The following BTG4 variants were observed in gnomAD, a reference collection of about 807,000 sequenced individuals.
BTG4 encodes the protein BTG anti-proliferation factor 4, also known as protein BTG4.
BTG4 carries 10 observed loss-of-function variants against 19.3 expected under a neutral mutation model. The ratio of observed to expected loss-of-function variants is 0.52; its 90% CI spans 0.32 to 0.88. BTG4 has a LOEUF of 0.88. BTG4 is among the 40% of genes least tolerant of loss of function. BTG4 has a pLI of 0.04. For synonymous variants in BTG4, 91 were observed against 95.7 expected, an observed-to-expected ratio of 0.95 and a Z score of 0.29; for missense variants, 238 against 281.9, an observed-to-expected ratio of 0.84 and a Z score of 1.11.
At chr11:111,385,687 T>G in the BTG4 span, 1 of 152,256 alleles carries the variant, frequency 6.6e-6, no homozygotes, top group South Asian at 2.1e-4. Flanking sequence ...GAAAAATTAT[T>G]AAAGTATCTC....
At chr11:111,476,572 T>C (rs1052679895) in intron 5 of BTG4, among the ~76,000 whole-genome samples, 3 of 152,206 alleles carry the variant, frequency 2.0e-5, no homozygotes, top group African/African-American at 7.2e-5. Flanking sequence ...TAGAATTGGC[T>C]ACTTAGTCAT....
chr11:111,416,036 C>A, the BTG4 span: 1 of 152,390 alleles, frequency 6.6e-6, no homozygotes, highest in Non-Finnish European at 1.5e-5. Context: ...AGAGTGAGAC[C>A]TTGTCTGAAA....
the BTG4 span, among the ~76,000 whole-genome samples, chr11:111,392,500 A>G: frequency 6.6e-6 from 1 of 152,116 alleles, no homozygotes; most frequent in Non-Finnish European, 1.5e-5. Flanking sequence ...AAACTTTGTC[A>G]TGCATCCAAA....
intron 5 of BTG4, among the ~76,000 whole-genome samples, chr11:111,474,061 C>T (rs974900179): frequency 6.6e-6 from 1 of 152,126 alleles, no homozygotes; most frequent in Non-Finnish European, 1.5e-5. Context: ...TCCCCATGCA[C>T]AGTAGAGACC....
the BTG4 span, chr11:111,451,491 T>G: frequency 2.4e-6 from 1 of 423,162 alleles, no homozygotes; most frequent in African/African-American, 2.0e-5. Flanking sequence ...GCAGGCCAGG[T>G]GTGGTGGCTC....
chr11:111,433,939 C>T, the BTG4 span, among the ~76,000 whole-genome samples: 110,922 of 152,124 alleles, frequency 0.73, 40,901 homozygotes, highest in Admixed American at 0.78. Flanking sequence ...GGAATGCTTT[C>T]ACACTGTTGG....
At chr11:111,471,622 G>A (rs374651610) in intron 5 of BTG4, among the ~76,000 whole-genome samples, 2 of 151,892 alleles carry the variant, frequency 1.3e-5, no homozygotes, top group African/African-American at 4.8e-5. Flanking sequence ...ACTCAGTCCC[G>A]TCCCCTTCTC....
At chr11:111,418,008 G>A in the BTG4 span, 2 of 152,178 alleles carry the variant, frequency 1.3e-5, no homozygotes. Flanking sequence ...GATCATCCAC[G>A]TGGGGCAGCT....
the BTG4 span, among the ~76,000 whole-genome samples, chr11:111,389,859 G>C: frequency 7.9e-5 from 12 of 152,156 alleles, no homozygotes; most frequent in African/African-American, 2.7e-4. Context: ...AAAGTGGAGG[G>C]AGGCAGAAGG....
chr11:111,493,054 G>A (rs1350263613), downstream of BTG4, among the ~76,000 whole-genome samples: 1 of 152,158 alleles, frequency 6.6e-6, no homozygotes, highest in African/African-American at 2.4e-5. Context: ...GCTGAGGCAC[G>A]AGAATCACTT....
intron 1 of BTG4, among the ~76,000 whole-genome samples, chr11:111,510,059 G>A (rs922504568): frequency 2.0e-5 from 3 of 151,540 alleles, no homozygotes; most frequent in East Asian, 2.0e-4. Context: ...CTACAGGCGC[G>A]CACCACCACG....
the BTG4 span, chr11:111,454,957 T>G: frequency 2.2e-6 from 1 of 456,266 alleles, no homozygotes; most frequent in Non-Finnish European, 4.4e-6. Flanking sequence ...CCACCCTCTC[T>G]CACAGCTCAA....
chr11:111,426,371 C>T, the BTG4 span, among the ~76,000 whole-genome samples: 1 of 152,184 alleles, frequency 6.6e-6, no homozygotes, highest in African/African-American at 2.4e-5. Flanking sequence ...ATGGTTCTCT[C>T]TCCGTGTCTC....
chr11:111,477,224 C>T (rs1166313575), intron 5 of BTG4, among the ~76,000 whole-genome samples: 1 of 152,104 alleles, frequency 6.6e-6, no homozygotes, highest in Non-Finnish European at 1.5e-5. Flanking sequence ...CCACAGATTA[C>T]AAGACAGGGA....
chr11:111,507,346 G>C (rs1355195232), intron 1 of BTG4, among the ~76,000 whole-genome samples: 5 of 152,094 alleles, frequency 3.3e-5, no homozygotes, highest in Non-Finnish European at 7.4e-5. Context: ...TTATAAACCT[G>C]AAAATCTGAG....
upstream of BTG4, chr11:111,512,997 CTCCACTGCCA>C (rs1867060413): frequency 2.1e-6 from 1 of 467,610 alleles, no homozygotes; most frequent in Non-Finnish European, 4.5e-6. Flanking sequence ...CAATCACTAA[CTCCACTGCCA>C]TCAAAACAAG....
the BTG4 span, chr11:111,397,478 G>A: frequency 2.0e-5 from 3 of 152,232 alleles, no homozygotes. Flanking sequence ...GCTTCTCTCT[G>A]TCTAGAATGT....
the BTG4 span, among the ~76,000 whole-genome samples, chr11:111,387,472 C>T: frequency 2.6e-5 from 4 of 152,336 alleles, no homozygotes; most frequent in Non-Finnish European, 2.9e-5. Context: ...ACCCAAGTGG[C>T]GCCTGGACGA....
At chr11:111,459,873 G>A in the BTG4 span, 1 of 152,316 alleles carries the variant, frequency 6.6e-6, no homozygotes, top group Non-Finnish European at 1.5e-5. Context: ...GCTCAGGAGG[G>A]GTACCCATGT....
Sources: allele counts gnomAD v4.1 joint callset (sites outside exome capture counted in the v4.1 genomes callset), GRCh38; gene constraint gnomAD v4.1.1; transcripts MANE v1.5; gene names NCBI Gene and HGNC (gene_info 2026-07-23, HGNC 2026-07-21).